Variants in SEMA3C observed in about 807,000 individuals in gnomAD.
The protein encoded by SEMA3C is semaphorin 3C.
Under a neutral mutation model 89.4 loss-of-function variants are expected in SEMA3C, and 47 were observed. The observed-to-expected ratio is 0.53, with a 90% CI of 0.42 to 0.67. SEMA3C has a LOEUF of 0.67. Among genes scored for constraint, SEMA3C ranks in the 30% least tolerant of loss-of-function variants. The pLI, the probability that SEMA3C is intolerant of heterozygous loss-of-function variation, is 0.00. For synonymous variants in SEMA3C, 310 were observed against 320.2 expected (o/e 0.97, Z 0.34); for missense variants, 839 against 929.1 (o/e 0.90, Z 1.26).
intron 12 of SEMA3C, among the ~76,000 whole-genome samples, chr7:80,788,538 T>C (rs1788857491): frequency 6.6e-6 from 1 of 152,188 alleles, no homozygotes; most frequent in East Asian, 1.9e-4. Context: ...GATACTGATA[T>C]TACTGGTCCA....
intron 2 of SEMA3C, among the ~76,000 whole-genome samples, chr7:80,868,378 G>C (rs907782058): frequency 6.6e-6 from 1 of 151,966 alleles, no homozygotes; most frequent in Non-Finnish European, 1.5e-5. Flanking sequence ...AGTGATTCTT[G>C]TGTCTCAGCC....
intron 2 of SEMA3C, among the ~76,000 whole-genome samples, chr7:80,891,359 T>C (rs1184011213): frequency 2.0e-5 from 3 of 152,078 alleles, no homozygotes; most frequent in African/African-American, 7.2e-5. Context: ...TCACTCCTTA[T>C]CCCTCCCTCC....
intron 4 of SEMA3C, among the ~76,000 whole-genome samples, chr7:80,824,020 T>C (rs1789814909): frequency 6.6e-6 from 1 of 152,144 alleles, no homozygotes; most frequent in Non-Finnish European, 1.5e-5. Flanking sequence ...TATTACAGAA[T>C]TATGCTGTAT....
At chr7:80,908,502 C>A (rs1356912188) in intron 2 of SEMA3C, among the ~76,000 whole-genome samples, 1 of 152,138 alleles carries the variant, frequency 6.6e-6, no homozygotes, top group Non-Finnish European at 1.5e-5. Flanking sequence ...GCAACTGACG[C>A]TAACTATAGT....
intron 12 of SEMA3C, among the ~76,000 whole-genome samples, chr7:80,773,895 G>C (rs933562230): frequency 3.9e-5 from 6 of 152,278 alleles, no homozygotes; most frequent in South Asian, 4.1e-4. Flanking sequence ...ATAAATTACA[G>C]GTTTGGCAAT....
intron 2 of SEMA3C, chr7:80,847,196 AG>A (rs1304978903): frequency 6.6e-6 from 1 of 152,204 alleles, no homozygotes; most frequent in East Asian, 1.9e-4. Context: ...GACAGAAACA[AG>A]GAGAGAATGG....
At chr7:80,850,134 G>A (rs1320843115) in intron 2 of SEMA3C, among the ~76,000 whole-genome samples, 1 of 152,024 alleles carries the variant, frequency 6.6e-6, no homozygotes, top group Non-Finnish European at 1.5e-5. Context: ...TGGTAAAAAA[G>A]AAAGCTGTTT....
intron 10 of SEMA3C, 146 bp downstream of exon 10, chr7:80,800,611 T>C: frequency 2.0e-6 from 1 of 489,868 alleles, no homozygotes; most frequent in South Asian, 4.1e-5. Context: ...ATTTTGGTAA[T>C]CAGGCAAAAG....
At chr7:80,754,947 G>GGTTTTTTTTGT (rs1788021229) in intron 15 of SEMA3C, among the ~76,000 whole-genome samples, 2 of 13,136 alleles carry the variant, frequency 1.5e-4, no homozygotes, top group East Asian at 7.8e-3. Flanking sequence ...CTGGCGAATT[G>GGTTTTTTTTGT]TTTTTTTTTG....
At chr7:80,865,516 G>A (rs557195881) in intron 2 of SEMA3C, among the ~76,000 whole-genome samples, 7 of 152,086 alleles carry the variant, frequency 4.6e-5, no homozygotes, top group African/African-American at 1.4e-4. Flanking sequence ...GTCCGGGTGC[G>A]GTGGCTCACG....
chr7:80,749,257 A>G (rs1251133586), intron 16 of SEMA3C, among the ~76,000 whole-genome samples: 1 of 152,196 alleles, frequency 6.6e-6, no homozygotes, highest in African/African-American at 2.4e-5. Flanking sequence ...GGCAATGTTG[A>G]TAAGAAAATC....
chr7:80,916,718 A>T lies in SEMA3C; in HGVS notation c.64T>A (p.Ser22Thr), dbSNP rs1353475840. 1 of 1,613,804 alleles carries T rather than the reference A, an allele frequency of 6.2e-7. No homozygotes were observed. The highest frequency in any genetic ancestry group is 2.2e-5 in the East Asian group (1 of 44,836). The change falls in exon 2 of 18, where the codon TCT becomes ACT. Residue 22 changes from serine (S) to threonine (T), a missense_variant. By Grantham distance (58) the Ser-to-Thr change is moderately conservative (BLOSUM62 1). Transcript: ENST00000265361. Reference protein sequence around the residue: ...VFICSICVKGSSQPQARVYLT... With the variant: ...VFICSICVKGTSQPQARVYLT... ...TAAACTCTTGCTTGGGGCTGGGAAG[A>T]TCCTTTCACACAGATAGAACAAATA...
chr7:80,752,907 A>T (rs1373763390), intron 15 of SEMA3C, among the ~76,000 whole-genome samples: 1 of 152,184 alleles, frequency 6.6e-6, no homozygotes, highest in Non-Finnish European at 1.5e-5. Context: ...AATTGGGTTA[A>T]ATGCTAAGTC....
intron 2 of SEMA3C, among the ~76,000 whole-genome samples, chr7:80,865,724 G>A (rs1222295474): frequency 2.6e-5 from 4 of 152,080 alleles, no homozygotes; most frequent in South Asian, 2.1e-4. Flanking sequence ...GAACCCGGGA[G>A]GGGGGGTTAC....
At chr7:80,876,004 G>A (rs1050466332) in intron 2 of SEMA3C, among the ~76,000 whole-genome samples, 13 of 152,146 alleles carry the variant, frequency 8.5e-5, no homozygotes, top group African/African-American at 2.4e-4. Flanking sequence ...TATGGCCACC[G>A]TGCATGATAA....
intron 2 of SEMA3C, among the ~76,000 whole-genome samples, chr7:80,844,767 T>C (rs1466416034): frequency 1.3e-5 from 2 of 152,156 alleles, no homozygotes; most frequent in Admixed American, 1.3e-4. Flanking sequence ...ACTACTGCCC[T>C]TTCCAACACA....
chr7:80,890,528 T>G (rs1237981463), intron 2 of SEMA3C, among the ~76,000 whole-genome samples: 3 of 152,168 alleles, frequency 2.0e-5, no homozygotes, highest in Non-Finnish European at 4.4e-5. Context: ...GCTTTTTACT[T>G]GAGGTTTGGC....
intron 14 of SEMA3C, among the ~76,000 whole-genome samples, chr7:80,761,389 A>C (rs1019438226): frequency 1.3e-5 from 2 of 152,182 alleles, no homozygotes; most frequent in Non-Finnish European, 2.9e-5. Context: ...CTTGCTGTAT[A>C]TATGTTCTGC....
chr7:80,802,048 G>A (rs963911556), intron 9 of SEMA3C, among the ~76,000 whole-genome samples: 3 of 152,042 alleles, frequency 2.0e-5, no homozygotes, highest in African/African-American at 7.2e-5. Context: ...ATGACATTTA[G>A]TAAATATGAT....
Sources: gnomAD v4.1 joint callset for allele counts (sites outside exome capture counted in the v4.1 genomes callset) on GRCh38, gnomAD v4.1.1 for gene constraint, MANE v1.5 for transcripts, NCBI Gene and HGNC (gene_info 2026-07-23, HGNC 2026-07-21) for gene names.